The following HNF4A variants were observed in gnomAD, a reference collection of about 807,000 sequenced individuals.
HNF4A encodes hepatocyte nuclear factor 4 alpha.
Under a neutral mutation model 52.4 loss-of-function variants are expected in HNF4A, and 15 were observed. That is an observed-to-expected ratio of 0.29 (90% CI 0.19 to 0.44). The LOEUF (loss-of-function observed/expected upper bound fraction) is 0.44. Ranked by LOEUF, HNF4A falls within the 20% of genes least tolerant of loss-of-function variation. HNF4A has a pLI of 1.00. For missense variants in HNF4A, 479 were observed against 647.2 expected, an observed-to-expected ratio of 0.74 and a Z score of 2.82; for synonymous variants, 280 against 264.4, an observed-to-expected ratio of 1.06 and a Z score of -0.57.
At chr20:44,380,785 T>A (rs2063143643) in intron 1 of HNF4A, among the ~76,000 whole-genome samples, 1 of 152,236 alleles carries the variant, frequency 6.6e-6, no homozygotes, top group African/African-American at 2.4e-5. Context: ...CCAATTTATC[T>A]AATTTTTAAA....
intron 1 of HNF4A, among the ~76,000 whole-genome samples, chr20:44,381,210 A>T (rs909390947): frequency 6.6e-6 from 1 of 151,864 alleles, no homozygotes; most frequent in Non-Finnish European, 1.5e-5. Flanking sequence ...TTGAGCCTCA[A>T]GTTTCCTCCC....
At chr20:44,376,713 T>C (rs2063089506) in intron 1 of HNF4A, among the ~76,000 whole-genome samples, 1 of 152,224 alleles carries the variant, frequency 6.6e-6, no homozygotes, top group South Asian at 2.1e-4. Flanking sequence ...TATCTGGTAA[T>C]GTGTCATTAC....
Position 44,419,814 on chromosome 20 carries a change from A to T in HNF4A, c.830A>T (p.Gln277Leu). The change falls in exon 7 of 10, where the codon CAG becomes CTG. Residue 277 changes from glutamine (Q) to leucine (L), a missense_variant. Transcript: ENST00000316099. ...CTTGACGAGCTGGTGCTGCCCTTCC[A>T]GGAGCTGCAGATCGATGACAATGAG... The T allele has an allele frequency of 6.2e-7, 1 of 1,614,000 alleles. No individual in the cohort carries two copies.
At chr20:44,356,039 T>A (rs1168165603) in intron 1 of HNF4A, among the ~76,000 whole-genome samples, 186 bp downstream of exon 1, 1 of 150,576 alleles carries the variant, frequency 6.6e-6, no homozygotes, top group East Asian at 1.9e-4. Flanking sequence ...CATGGCCTGC[T>A]TGGTGCGAGA....
chr20:44,422,557 C>T (rs35121150), intron 7 of HNF4A, among the ~76,000 whole-genome samples: 11,473 of 151,640 alleles, frequency 0.076, 524 homozygotes, highest in Admixed American at 0.11. Flanking sequence ...ATTGTATGAC[C>T]GCTTAAGTTC....
At chr20:44,404,921 T>C (rs1341092181) in intron 1 of HNF4A, among the ~76,000 whole-genome samples, 1 of 78,034 alleles carries the variant, frequency 1.3e-5, no homozygotes, top group African/African-American at 4.8e-5. Flanking sequence ...GTGTGTGTGC[T>C]TGTGTGTGGT....
intron 1 of HNF4A, among the ~76,000 whole-genome samples, chr20:44,370,390 T>C (rs2063022131): frequency 6.6e-6 from 1 of 152,202 alleles, no homozygotes; most frequent in African/African-American, 2.4e-5. Flanking sequence ...GCCTTTGTAC[T>C]TGCTGTTCTC....
intron 8 of HNF4A, among the ~76,000 whole-genome samples, chr20:44,425,606 T>C (rs956397278): frequency 6.6e-6 from 1 of 151,418 alleles, no homozygotes; most frequent in South Asian, 2.1e-4. Context: ...CTGGGGGTGG[T>C]AGTGAGGGGT....
chr20:44,422,232 G>A (rs543017656), intron 7 of HNF4A, among the ~76,000 whole-genome samples: 2 of 152,192 alleles, frequency 1.3e-5, no homozygotes, highest in South Asian at 2.1e-4. Flanking sequence ...TCCCTCCACA[G>A]CCTGGCCCAG....
intron 1 of HNF4A, among the ~76,000 whole-genome samples, chr20:44,404,734 T>G (rs2146355833): frequency 5.8e-5 from 2 of 34,248 alleles, no homozygotes; most frequent in East Asian, 6.8e-4. Flanking sequence ...GACTCTGTGT[T>G]CATGTGTGTG....
intron 1 of HNF4A, among the ~76,000 whole-genome samples, chr20:44,358,806 G>T (rs1289395229): frequency 6.6e-6 from 1 of 152,096 alleles, no homozygotes; most frequent in Non-Finnish European, 1.5e-5. Context: ...CAAATGGAAG[G>T]ATCCATGAGT....
chr20:44,406,355 T>C (rs2063500746), intron 2 of HNF4A, 123 bp downstream of exon 2: 1 of 816,416 alleles, frequency 1.2e-6, no homozygotes, highest in East Asian at 2.6e-5. Context: ...TTCAAGGCTC[T>C]TCTGGTTTTG....
At chr20:44,433,614 G>A (rs1410467501), downstream of HNF4A, 3 of 152,256 alleles carry the variant, frequency 2.0e-5, no homozygotes, top group Non-Finnish European at 1.5e-5. Flanking sequence ...CCAGGAGTTC[G>A]AGGATGCAGT....
upstream of HNF4A, among the ~76,000 whole-genome samples, chr20:44,398,955 G>A (rs1231018176): frequency 6.6e-6 from 1 of 152,246 alleles, no homozygotes; most frequent in Non-Finnish European, 1.5e-5. Context: ...TGTATTCCTG[G>A]ATTGTGTGGG....
At chr20:44,403,513 T>C (rs1352757241) in intron 1 of HNF4A, among the ~76,000 whole-genome samples, 1 of 152,146 alleles carries the variant, frequency 6.6e-6, no homozygotes, top group Non-Finnish European at 1.5e-5. Context: ...GAGTTTGAAG[T>C]GGTCTGAATT....
At chr20:44,380,631 G>A (rs950343294) in intron 1 of HNF4A, among the ~76,000 whole-genome samples, 1 of 152,124 alleles carries the variant, frequency 6.6e-6, no homozygotes, top group Non-Finnish European at 1.5e-5. Context: ...TGTTGTTATT[G>A]AGTTGTAAGA....
chr20:44,392,389 C>A (rs951740820), intron 1 of HNF4A, among the ~76,000 whole-genome samples: 4 of 152,140 alleles, frequency 2.6e-5, no homozygotes, highest in Admixed American at 6.5e-5. Context: ...TTGAAGCCCC[C>A]CTACAGTGGG....
At chr20:44,395,144 C>T (rs1003327077) in intron 1 of HNF4A, among the ~76,000 whole-genome samples, 5 of 152,210 alleles carry the variant, frequency 3.3e-5, no homozygotes, top group East Asian at 1.9e-4. Flanking sequence ...AGAAAGTGCT[C>T]GTTGTTAAGA....
chr20:44,372,336 C>A (rs1341268821), intron 1 of HNF4A, among the ~76,000 whole-genome samples: 1 of 152,210 alleles, frequency 6.6e-6, no homozygotes, highest in African/African-American at 2.4e-5. Context: ...ATTTTCCATT[C>A]TTGCGTAGAC....
Sources: allele counts gnomAD v4.1 joint callset (sites outside exome capture counted in the v4.1 genomes callset), GRCh38; gene constraint gnomAD v4.1.1; transcripts MANE v1.5; gene names NCBI Gene and HGNC (gene_info 2026-07-23, HGNC 2026-07-21).